The following TRIOBP variants were observed in gnomAD, a reference collection of about 807,000 sequenced individuals.
TRIOBP encodes TRIO and F-actin binding protein, also known as TRIO and F-actin-binding protein.
A neutral mutation model predicts 238.8 loss-of-function variants in TRIOBP; 169 were observed. The observed-to-expected ratio is 0.71, with a 90% CI of 0.62 to 0.80. The LOEUF is 0.80. TRIOBP is among the 30% of genes least tolerant of loss of function. TRIOBP has a pLI of 0.00. For missense variants in TRIOBP, 2,838 were observed against 3,122.6 expected (o/e 0.91, Z 2.17); for synonymous variants, 1,150 against 1,274.4 (o/e 0.90, Z 2.08).
chr22:37,749,608 C>G lies in TRIOBP; in HGVS notation c.5323-2164C>G, dbSNP rs1488512181. 5.3e-5 allele frequency among the ~76,000 whole-genome samples: 8 copies of G among 151,950 alleles called. No homozygotes were observed. The East Asian group carries it at 1.5e-3, about 29-fold the overall frequency. ...GGGCATCGTGGGAGATTTAGATGATCGGACCTTTTGACCCTGGGGACAGGT... is the reference window on the plus strand; with the variant it reads ...GGGCATCGTGGGAGATTTAGATGATGGGACCTTTTGACCCTGGGGACAGGT... On this transcript the variant is annotated intron_variant, in intron 11 of 23. Transcript: ENST00000644935.
At chr22:37,704,650 A>G (rs181227690) in intron 3 of TRIOBP, among the ~76,000 whole-genome samples, 7 of 151,936 alleles carry the variant, frequency 4.6e-5, no homozygotes, top group African/African-American at 1.5e-4. Flanking sequence ...GCATTAGGGA[A>G]AGTTTCTCCA....
chr22:37,762,381 C>G lies in TRIOBP; in HGVS notation c.6324+3117C>G, dbSNP rs1331538193. The stretch of plus-strand genomic sequence containing the variant: ...CACTGGCCCACCTTTGTCCGTTTTA[C>G]TCATAGAGCCAGCTTTAGATTTCCT... On this transcript the variant is annotated intron_variant, in intron 17 of 23. Transcript: ENST00000644935. Among the ~76,000 whole-genome samples the G allele has an allele frequency of 5.3e-5, 8 of 152,322 alleles. No individual in the cohort carries two copies. In the East Asian group the frequency reaches 1.5e-3, roughly 29 times the overall value.
intron 7 of TRIOBP, among the ~76,000 whole-genome samples, chr22:37,730,882 GGTTGC>G (rs1433390156): frequency 1.3e-5 from 2 of 150,052 alleles, no homozygotes; most frequent in Admixed American, 6.7e-5. Context: ...AGAAGGCGGA[GGTTGC>G]AGTGAGCTGA....
rs758566737 is a variant in TRIOBP at position 37,723,234 on chromosome 22, G to C, written c.678G>C (p.Arg226=). 37 of 1,613,862 alleles carry C rather than the reference G, an allele frequency of 2.3e-5. No homozygotes were observed. In the South Asian group the frequency reaches 4.1e-4, roughly 18 times the overall value. ...CAGGACAGCACTGGGCAAGGCTCCGGGGAGAAAGCGGGTTGTCCCTGGAGC... is the reference window on the plus strand; with the variant it reads ...CAGGACAGCACTGGGCAAGGCTCCGCGGAGAAAGCGGGTTGTCCCTGGAGC... ...RSAGQHWARL[R]GESGLSLERH... Residue 226 remains arginine, a synonymous_variant, in exon 7 of 24, where the codon CGG becomes CGC. Transcript: ENST00000644935.
intron 17 of TRIOBP, chr22:37,760,163 C>G (rs1364551853): frequency 2.0e-5 from 3 of 152,742 alleles, no homozygotes; most frequent in African/African-American, 7.2e-5. Flanking sequence ...TAGTAGTTTT[C>G]TATTGAGAAT....
chr22:37,752,050 A>G (rs1179794127), intron 12 of TRIOBP, among the ~76,000 whole-genome samples: 2 of 152,168 alleles, frequency 1.3e-5, no homozygotes, highest in Admixed American at 1.3e-4. Context: ...CCAGTGCCCC[A>G]TCCCTTGATC....
In TRIOBP at chr22:37,723,812, C is replaced by T. The variant is rs1213968006; in HGVS notation, c.1256C>T (p.Ser419Phe). The stretch of plus-strand genomic sequence containing the variant: ...AATCCCAAAGCCTCCAGAACCTCCT[C>T]TCCCAATAGAGCCACACGAGACAAC... ...RDNPKASRTS[S>F]PNRATRDNPR... The change falls in exon 7 of 24, where the codon TCT becomes TTT. Residue 419 changes from serine to phenylalanine, a missense_variant. Ser to Phe is a radical substitution (Grantham distance 155). This residue lies in a region of TRIOBP where 535 missense variants were observed against 537.3 expected (regional missense o/e 1.00). Coordinates refer to ENST00000644935, the MANE Select transcript of TRIOBP (RefSeq NM_001039141.3). 3.1e-6 allele frequency: 5 copies of T among 1,598,646 alleles called. No individual in the cohort carries two copies.
chr22:37,711,774 G>A (rs1222239860), intron 4 of TRIOBP, among the ~76,000 whole-genome samples: 1 of 152,182 alleles, frequency 6.6e-6, no homozygotes, highest in African/African-American at 2.4e-5. Flanking sequence ...CGGAAGTAGA[G>A]AAGTATGTCA....
rs755351813 is a variant in TRIOBP, at chr22:37,746,189, C to T, written c.5322+5157C>T. 14 of 1,044,322 alleles carry T rather than the reference C, an allele frequency of 1.3e-5. No homozygotes were observed. The South Asian group carries it at 5.3e-4, about 39-fold the overall frequency. 64.7% of individuals were successfully genotyped at this position (1,044,322 alleles called of 1,614,324 possible). A position where few individuals can be genotyped will look rare whatever the true frequency, so the allele number is the denominator to read the frequency against. The stretch of plus-strand genomic sequence containing the variant: ...TCTCGGCTTCCCCGCCACCCATTGG[C>T]CCGCTCGGGTCCTCCCAGGAAGTTT... On this transcript the variant is annotated intron_variant, in intron 11 of 23. Transcript: ENST00000644935.
chr22:37,751,734 G>A, intron 11 of TRIOBP, 38 bp from the exon 12 acceptor site: 3 of 1,613,220 alleles, frequency 1.9e-6, no homozygotes, highest in South Asian at 1.1e-5. Context: ...TTGGCTTCCT[G>A]CTGGACCCAA....
intron 4 of TRIOBP, among the ~76,000 whole-genome samples, chr22:37,711,602 A>AAAAAAAAAAAAAAAAAAC (rs1569034724): frequency 2.1e-5 from 3 of 140,604 alleles, no homozygotes; most frequent in East Asian, 2.1e-4. Context: ...ACAACAAAAA[A>AAAAAAAAAAAAAAAAAAC]AAAAAACAAA....
Position 37,772,668 on chromosome 22 carries a change from C to A in TRIOBP, c.7004C>A (p.Ser2335Tyr). 1 of 1,614,158 alleles carries A rather than the reference C, an allele frequency of 6.2e-7. No individual in the cohort carries two copies. The highest frequency in any genetic ancestry group is 8.5e-7 in the Non-Finnish European group (1 of 1,180,032). ...GAGCTGAGCCACATCAAGACACGGT[C>A]TGAGCGGGAGATCGAGCAGCTGAAG... ...YVELSHIKTR[S>Y]EREIEQLKEH... Residue 2335 changes from serine to tyrosine, a missense_variant, in exon 23 of 24, where the codon TCT becomes TAT. Transcript: ENST00000644935.
intron 11 of TRIOBP, among the ~76,000 whole-genome samples, chr22:37,742,187 G>A (rs557755747): frequency 6.6e-6 from 1 of 150,822 alleles, no homozygotes; most frequent in African/African-American, 2.4e-5. Context: ...TTGAACTCCC[G>A]ACCTCAGGTA....
intron 1 of TRIOBP, among the ~76,000 whole-genome samples, chr22:37,697,344 G>A (rs1922401037): frequency 6.6e-6 from 1 of 152,294 alleles, no homozygotes; most frequent in African/African-American, 2.4e-5. Context: ...ACGTGGAGTA[G>A]AGCCCCCTAC....
chr22:37,764,075 C>T (rs1380472127), intron 17 of TRIOBP, among the ~76,000 whole-genome samples: 1 of 152,232 alleles, frequency 6.6e-6, no homozygotes, highest in Non-Finnish European at 1.5e-5. Context: ...CCCCTTCGTC[C>T]ACTTTTAAGG....
chr22:37,704,837 C>G (rs1922849748), intron 3 of TRIOBP, among the ~76,000 whole-genome samples: 1 of 149,254 alleles, frequency 6.7e-6, no homozygotes. Context: ...GGCACCGAAG[C>G]AGGAAGATCA....
At chr22:37,771,629 G>T (rs1285870327) in intron 21 of TRIOBP, 21 bp from the exon 22 acceptor site, 2 of 1,611,846 alleles carry the variant, frequency 1.2e-6, no homozygotes, top group Non-Finnish European at 1.7e-6. Flanking sequence ...CCCTGGGTCA[G>T]TCCAGCACCT....
chr22:37,721,117 C>T (rs924081712), intron 6 of TRIOBP, among the ~76,000 whole-genome samples: 3 of 151,872 alleles, frequency 2.0e-5, no homozygotes, highest in African/African-American at 7.3e-5. Flanking sequence ...GATCCGCCCG[C>T]CTCGGCCTCC....
At chr22:37,746,367 C>A in intron 11 of TRIOBP, 2 of 1,278,610 alleles carry the variant, frequency 1.6e-6, no homozygotes, top group Non-Finnish European at 2.0e-6. Flanking sequence ...GGCCCGAGAG[C>A]CGCGTCCACG....
Sources: gnomAD v4.1 joint callset for allele counts (sites outside exome capture counted in the v4.1 genomes callset) on GRCh38, gnomAD v4.1.1 for gene constraint, gnomAD v4.1.1 regional missense constraint, MANE v1.5 for transcripts, NCBI Gene and HGNC (gene_info 2026-07-23, HGNC 2026-07-21) for gene names.